Variants in ABCA9 observed in about 807,000 individuals in gnomAD.
ABCA9 encodes the protein ATP-binding cassette sub-family A member 9.
A neutral mutation model predicts 205.3 loss-of-function variants in ABCA9; 183 were observed. That is an observed-to-expected ratio of 0.89 (90% confidence interval 0.79 to 1.01). ABCA9 has a LOEUF of 1.01. Among genes scored for constraint, ABCA9 ranks in the 50% least tolerant of loss-of-function variants. The probability of loss-of-function intolerance (pLI) is 0.00; values close to 1 mark genes in which losing one functional copy is unlikely to be tolerated. For missense variants in ABCA9, 1,805 were observed against 1,912.4 expected, an observed-to-expected ratio of 0.94 and a Z score of 1.05; for synonymous variants, 651 against 683.3, an observed-to-expected ratio of 0.95 and a Z score of 0.74.
rs530512276 is a variant in ABCA9 at position 69,022,098 on chromosome 17, T to C, written c.2282-237A>G. 3.2e-5 allele frequency: 7 copies of C among 217,598 alleles called. No homozygotes were observed. The East Asian group carries it at 5.7e-4, about 18-fold the overall frequency. The allele number at this position is 217,598 out of a possible 1,614,324, so 13.5% of individuals were successfully genotyped here. A position where few individuals can be genotyped will look rare whatever the true frequency, so the allele number is the denominator to read the frequency against. On this transcript the variant is annotated intron_variant, in intron 17 of 38. Coordinates refer to ENST00000340001, the MANE Select transcript of ABCA9 (RefSeq NM_080283.4). ...TCTTAGGAAACTACCTATGTGTTTT[T>C]TGAAAAACATATTTTAATATATTTT...
At chr17:68,984,448 A>G (rs2069164696) in intron 34 of ABCA9, among the ~76,000 whole-genome samples, 3 of 152,236 alleles carry the variant, frequency 2.0e-5, no homozygotes. Context: ...AAAGAAAATT[A>G]GGAGAATTTA....
chr17:68,993,194 C>A, intron 26 of ABCA9, 110 bp from the exon 27 acceptor site: 1 of 811,580 alleles, frequency 1.2e-6, no homozygotes, highest in South Asian at 1.6e-5. Context: ...AACCATTCGA[C>A]CTGATGCTCC....
chr17:69,000,859 C>T (rs568838916), intron 25 of ABCA9, among the ~76,000 whole-genome samples: 3 of 147,698 alleles, frequency 2.0e-5, no homozygotes, highest in Admixed American at 1.3e-4. Flanking sequence ...AGTTGGATTC[C>T]TAGGTATTTT....
At chr17:69,062,983 C>A (rs1216439019), upstream of ABCA9, among the ~76,000 whole-genome samples, 1 of 151,996 alleles carries the variant, frequency 6.6e-6, no homozygotes, top group African/African-American at 2.4e-5. Context: ...AACATTTAAT[C>A]CACAGAATAA....
chr17:68,994,370 C>A lies in ABCA9; in HGVS notation c.3556-1286G>T, dbSNP rs142162893. Among the ~76,000 whole-genome samples the A allele has an allele frequency of 4.9e-4, 75 of 152,292 alleles. No homozygotes were observed. In the East Asian group the frequency reaches 0.013, roughly 26 times the overall value. ...TATATAGAACTACTGCTCACATATTCTTTTCTTTGTCAAATTTGCCTGCCA... is the reference window on the plus strand; with the variant it reads ...TATATAGAACTACTGCTCACATATTATTTTCTTTGTCAAATTTGCCTGCCA... On this transcript the variant is annotated intron_variant, in intron 26 of 38. Coordinates refer to ENST00000340001, the MANE Select transcript of ABCA9 (RefSeq NM_080283.4).
chr17:69,021,584 G>A (rs2070808950), intron 18 of ABCA9, among the ~76,000 whole-genome samples, 158 bp downstream of exon 18: 1 of 152,030 alleles, frequency 6.6e-6, no homozygotes, highest in Non-Finnish European at 1.5e-5. Context: ...CCCAAGACAA[G>A]CCTGAATCAT....
At position 68,988,146 on chromosome 17, in the gene ABCA9, G is replaced by A. The variant is rs535243389; in HGVS notation, c.4047+881C>T. 4.1e-4 allele frequency among the ~76,000 whole-genome samples: 63 copies of A among 152,298 alleles called. 1 individual carries two copies. In the East Asian group the frequency reaches 0.012, roughly 29 times the overall value. ...AAGGACAGGAAACCTCTGTAGCATT[G>A]AACGCCACTGTGCGACCTTCCTTCA... On this transcript the variant is annotated intron_variant, in intron 31 of 38. Coordinates refer to ENST00000340001, the MANE Select transcript of ABCA9 (RefSeq NM_080283.4).
the ABCA9 span, among the ~76,000 whole-genome samples, chr17:69,077,325 ATCT>A: frequency 2.2e-4 from 34 of 151,948 alleles, no homozygotes; most frequent in African/African-American, 8.0e-4. Flanking sequence ...ATTTGGGGAG[ATCT>A]TCTTGGTATT....
At chr17:68,987,331 T>C (rs1280567924) in intron 31 of ABCA9, among the ~76,000 whole-genome samples, 4 of 152,238 alleles carry the variant, frequency 2.6e-5, no homozygotes, top group Admixed American at 1.3e-4. Flanking sequence ...CTTGCCTCAT[T>C]GAGCTTTCAT....
At chr17:69,065,514 C>T (rs143594971), upstream of ABCA9, among the ~76,000 whole-genome samples, 18 of 152,238 alleles carry the variant, frequency 1.2e-4, no homozygotes, top group East Asian at 3.5e-3. Flanking sequence ...TTCCACTCTT[C>T]CCTTGCCTTG....
At chr17:69,040,828 C>T (rs1158575841) in intron 6 of ABCA9, among the ~76,000 whole-genome samples, 1 of 151,732 alleles carries the variant, frequency 6.6e-6, no homozygotes, top group African/African-American at 2.4e-5. Flanking sequence ...TATACATACC[C>T]ACAGGACACA....
chr17:69,018,535 T>A lies in ABCA9; in HGVS notation c.2645A>T (p.His882Leu). 6.2e-7 allele frequency: 1 copy of A among 1,604,568 alleles called. No individual in the cohort carries two copies. The highest frequency in any genetic ancestry group is 1.8e-5 in the Admixed American group (1 of 57,142). Residue 882 changes from histidine to leucine, a missense_variant, in exon 20 of 39, where the codon CAT becomes CTT. Coordinates refer to ENST00000340001, the MANE Select transcript of ABCA9 (RefSeq NM_080283.4). Reference sequence around the variant, plus strand: ...TTTCTGATATGACTCGTAGAATAGATGTTCCAAAAGTTGAGGGATAAAGCT... The same window carrying A: ...TTTCTGATATGACTCGTAGAATAGAAGTTCCAAAAGTTGAGGGATAAAGCT... ...GISFIPQLLE[H>L]LFYESYQKSY...
chr17:69,045,058 G>T, intron 4 of ABCA9, 114 bp downstream of exon 4: 1 of 755,168 alleles, frequency 1.3e-6, no homozygotes, highest in Non-Finnish European at 2.1e-6. Context: ...AGAAATTAAA[G>T]CTCTATGTTG....
chr17:69,006,956 AGCAGTGAAGTTGGGACACATCAG>A (rs2070160362), intron 25 of ABCA9, among the ~76,000 whole-genome samples: 2 of 152,208 alleles, frequency 1.3e-5, no homozygotes. Flanking sequence ...CAATGGATAG[AGCAGTGAAGTTGGGACACATCAG>A]GCAGACTGGG....
At chr17:69,067,486 G>A in the ABCA9 span, among the ~76,000 whole-genome samples, 1 of 151,620 alleles carries the variant, frequency 6.6e-6, no homozygotes, top group South Asian at 2.1e-4. Context: ...AGCCTGGGAG[G>A]TGGACGTTGC....
At chr17:69,078,752 G>C in the ABCA9 span, 1 of 361,716 alleles carries the variant, frequency 2.8e-6, no homozygotes, top group Non-Finnish European at 4.9e-6. Flanking sequence ...CTGACTCTTT[G>C]GGTGACTTTA....
At chr17:69,044,039 A>G (rs559095727) in intron 5 of ABCA9, among the ~76,000 whole-genome samples, 47 of 152,240 alleles carry the variant, frequency 3.1e-4, no homozygotes, top group Non-Finnish European at 6.5e-4. Flanking sequence ...TTTAAATTCC[A>G]TGATAGAATC....
chr17:68,994,788 C>A (rs752928314), intron 26 of ABCA9, among the ~76,000 whole-genome samples: 4 of 152,188 alleles, frequency 2.6e-5, no homozygotes, highest in Non-Finnish European at 5.9e-5. Context: ...CACTTGTGGA[C>A]TTTACGCTAT....
chr17:69,038,381 G>C (rs2071416155), intron 6 of ABCA9, among the ~76,000 whole-genome samples: 1 of 152,156 alleles, frequency 6.6e-6, no homozygotes, highest in African/African-American at 2.4e-5. Context: ...GATCAACTTG[G>C]CTTCATCCCC....
Sources: allele counts gnomAD v4.1 joint callset (sites outside exome capture counted in the v4.1 genomes callset), GRCh38; gene constraint gnomAD v4.1.1; transcripts MANE v1.5; gene names NCBI Gene and HGNC (gene_info 2026-07-23, HGNC 2026-07-21).